The following CDKAL1 variants were observed in gnomAD, a reference collection of about 807,000 sequenced individuals.
CDKAL1 encodes the protein threonylcarbamoyladenosine tRNA methylthiotransferase.
Under a neutral mutation model 68.2 loss-of-function variants are expected in CDKAL1, and 32 were observed. The ratio of observed to expected loss-of-function variants is 0.47; its 90% CI spans 0.35 to 0.63. The LOEUF (loss-of-function observed/expected upper bound fraction) is 0.63. Ranked by LOEUF, CDKAL1 falls within the 30% of genes least tolerant of loss-of-function variation. CDKAL1 has a pLI of 0.00. For missense variants in CDKAL1, 606 were observed against 696.7 expected (o/e 0.87, Z 1.47); for synonymous variants, 234 against 244.3 (o/e 0.96, Z 0.39).
At chr6:21,133,430 G>T (rs1775429167) in intron 13 of CDKAL1, among the ~76,000 whole-genome samples, 1 of 152,172 alleles carries the variant, frequency 6.6e-6, no homozygotes. Flanking sequence ...AGCCAAGCCT[G>T]AGCTATGATT....
chr6:20,822,245 A>C (rs888670589), intron 8 of CDKAL1, among the ~76,000 whole-genome samples: 3 of 152,186 alleles, frequency 2.0e-5, no homozygotes, highest in Admixed American at 1.3e-4. Context: ...TGTTATAATG[A>C]AGTAATGTTG....
At chr6:21,041,559 CCTTT>C (rs1219132889) in intron 11 of CDKAL1, among the ~76,000 whole-genome samples, 1 of 150,356 alleles carries the variant, frequency 6.7e-6, no homozygotes, top group Non-Finnish European at 1.5e-5. Flanking sequence ...TATCAAATTA[CCTTT>C]CTATCTTAGA....
At chr6:20,676,573 A>C (rs1442312570) in intron 5 of CDKAL1, among the ~76,000 whole-genome samples, 1 of 152,056 alleles carries the variant, frequency 6.6e-6, no homozygotes, top group Non-Finnish European at 1.5e-5. Flanking sequence ...AGGCTGAGAC[A>C]GGAGAATGGT....
intron 5 of CDKAL1, among the ~76,000 whole-genome samples, chr6:20,656,323 G>T (rs958686883): frequency 2.6e-5 from 4 of 152,184 alleles, no homozygotes; most frequent in African/African-American, 9.7e-5. Flanking sequence ...ATTCAAAATG[G>T]TGGAAGGAAC....
At chr6:20,636,425 G>A (rs1048667213) in intron 4 of CDKAL1, among the ~76,000 whole-genome samples, 2 of 152,134 alleles carry the variant, frequency 1.3e-5, no homozygotes, top group Non-Finnish European at 2.9e-5. Context: ...TGAATACAGG[G>A]TGAAAATTTG....
intron 4 of CDKAL1, among the ~76,000 whole-genome samples, chr6:20,575,825 A>G (rs1764886549): frequency 6.6e-6 from 1 of 152,080 alleles, no homozygotes; most frequent in Non-Finnish European, 1.5e-5. Flanking sequence ...TTCATTTGCA[A>G]GGAGGTCATG....
At chr6:20,941,767 T>A (rs1309748683) in intron 9 of CDKAL1, among the ~76,000 whole-genome samples, 1 of 152,322 alleles carries the variant, frequency 6.6e-6, no homozygotes, top group East Asian at 1.9e-4. Flanking sequence ...GAATTGGCAC[T>A]TTGGGGCAAA....
At chr6:21,129,338 A>G (rs979857357) in intron 13 of CDKAL1, among the ~76,000 whole-genome samples, 2 of 152,182 alleles carry the variant, frequency 1.3e-5, no homozygotes, top group African/African-American at 4.8e-5. Flanking sequence ...CCAGCTGGAA[A>G]TCTAAAGGAG....
chr6:21,143,434 C>G (rs1458409612), intron 13 of CDKAL1, among the ~76,000 whole-genome samples: 12 of 152,020 alleles, frequency 7.9e-5, no homozygotes, highest in Non-Finnish European at 1.6e-4. Context: ...ACAAAAGTTC[C>G]TTTGTTAATT....
At chr6:21,166,090 T>C (rs1357551902) in intron 13 of CDKAL1, among the ~76,000 whole-genome samples, 1 of 152,190 alleles carries the variant, frequency 6.6e-6, no homozygotes, top group Non-Finnish European at 1.5e-5. Flanking sequence ...ATGTTACATA[T>C]ATGAAGTACT....
chr6:20,994,693 G>T (rs1397172054), intron 10 of CDKAL1, among the ~76,000 whole-genome samples: 1 of 152,170 alleles, frequency 6.6e-6, no homozygotes, highest in Admixed American at 6.5e-5. Flanking sequence ...CCTAGTGTAT[G>T]TAAAAGTTAT....
chr6:20,738,445 C>A (rs1014173890), intron 5 of CDKAL1, among the ~76,000 whole-genome samples: 20 of 151,048 alleles, frequency 1.3e-4, no homozygotes, highest in African/African-American at 3.4e-4. Flanking sequence ...TAAAAAATAG[C>A]CATATATGTA....
intron 11 of CDKAL1, among the ~76,000 whole-genome samples, chr6:21,028,650 T>C (rs1187671059): frequency 1.3e-5 from 2 of 152,164 alleles, no homozygotes; most frequent in Non-Finnish European, 2.9e-5. Flanking sequence ...AAAGGTGCTA[T>C]CTCCAAATAC....
rs150317443 is a variant in CDKAL1 at position 20,656,950 on chromosome 6, A to G, written c.371+7573A>G. On this transcript the variant is annotated intron_variant, in intron 5 of 15. Transcript: ENST00000274695. The stretch of plus-strand genomic sequence containing the variant: ...CACAACTAATTCTTATTAAGATAAC[A>G]CTTAAACTAACATTTGATTTCTTTC... 7.1e-3 allele frequency among the ~76,000 whole-genome samples: 1,083 copies of G among 152,302 alleles called. 12 individuals are homozygous for G. Among genetic ancestry groups the G allele is most frequent in the African/African-American group, 0.025 (1,039 of 41,576 alleles).
chr6:20,934,606 A>G (rs1162159730), intron 9 of CDKAL1, among the ~76,000 whole-genome samples: 1 of 152,056 alleles, frequency 6.6e-6, no homozygotes, highest in Non-Finnish European at 1.5e-5. Flanking sequence ...GCACTTTGGG[A>G]GGCTGAGACA....
rs9368279 is a variant in CDKAL1 at position 21,122,844 on chromosome 6, T to C, written c.1299+14381T>C. 1.1e-3 allele frequency among the ~76,000 whole-genome samples: 150 copies of C among 140,576 alleles called. 2 individuals are homozygous for C. In the East Asian group the frequency reaches 0.03, roughly 28 times the overall value. The allele number at this position is 140,576 out of a possible 152,430, so 92.2% of individuals were successfully genotyped here. A position where few individuals can be genotyped will look rare whatever the true frequency, so the allele number is the denominator to read the frequency against. On this transcript the variant is annotated intron_variant, in intron 13 of 15. Coordinates refer to ENST00000274695, the MANE Select transcript of CDKAL1 (RefSeq NM_017774.3). ...TTTTTTGGTAGGGGGAGGGTCTCAC[T>C]ATGTTGCCCAGGCTGGTCTCAAACT... is the stretch of plus-strand genomic sequence containing the variant.
At chr6:20,866,459 A>G (rs912648169) in intron 9 of CDKAL1, among the ~76,000 whole-genome samples, 2 of 152,190 alleles carry the variant, frequency 1.3e-5, no homozygotes, top group African/African-American at 2.4e-5. Flanking sequence ...AAACTGTTTC[A>G]GACACAAAAA....
intron 9 of CDKAL1, among the ~76,000 whole-genome samples, chr6:20,898,776 T>C (rs549971916): frequency 6.6e-6 from 1 of 152,208 alleles, no homozygotes; most frequent in South Asian, 2.1e-4. Context: ...CATATAAAAT[T>C]CCCTATTTAA....
At chr6:20,893,269 T>G (rs1243019605) in intron 9 of CDKAL1, among the ~76,000 whole-genome samples, 4 of 152,214 alleles carry the variant, frequency 2.6e-5, no homozygotes, top group Non-Finnish European at 5.9e-5. Context: ...CTGCACTGAA[T>G]GCAGGTTACA....
Sources: gnomAD v4.1 joint callset for allele counts (sites outside exome capture counted in the v4.1 genomes callset) on GRCh38, gnomAD v4.1.1 for gene constraint, MANE v1.5 for transcripts, NCBI Gene and HGNC (gene_info 2026-07-23, HGNC 2026-07-21) for gene names.